The following CSTPP1 variants were observed in gnomAD, a reference collection of about 807,000 sequenced individuals.
CSTPP1 encodes UPF0705 protein C11orf49.
At chr11:46,938,343 T>C in the CSTPP1 span, among the ~76,000 whole-genome samples, 1 of 148,038 alleles carries the variant, frequency 6.8e-6, no homozygotes, top group Non-Finnish European at 1.5e-5. Flanking sequence ...ATATTATATA[T>C]TATTATTATT....
chr11:47,025,790 T>C, the CSTPP1 span, among the ~76,000 whole-genome samples: 1 of 152,080 alleles, frequency 6.6e-6, no homozygotes, highest in South Asian at 2.1e-4. Context: ...AGGCAGAAAA[T>C]AGAATAAAAT....
chr11:47,116,899 C>T, the CSTPP1 span, among the ~76,000 whole-genome samples: 1 of 151,896 alleles, frequency 6.6e-6, no homozygotes, highest in African/African-American at 2.4e-5. Flanking sequence ...GCTAGGATGG[C>T]CTCGATCTCC....
chr11:47,061,106 C>A, the CSTPP1 span, among the ~76,000 whole-genome samples: 1 of 151,518 alleles, frequency 6.6e-6, no homozygotes, highest in Non-Finnish European at 1.5e-5. Context: ...TTTTTTCTTT[C>A]ATCTTTTATG....
At chr11:47,057,975 A>G in the CSTPP1 span, among the ~76,000 whole-genome samples, 1 of 152,236 alleles carries the variant, frequency 6.6e-6, no homozygotes, top group Admixed American at 6.5e-5. Flanking sequence ...AATAATCTTT[A>G]AAGGAATTTA....
the CSTPP1 span, among the ~76,000 whole-genome samples, chr11:47,141,099 A>T: frequency 6.6e-6 from 1 of 152,158 alleles, no homozygotes; most frequent in Non-Finnish European, 1.5e-5. Flanking sequence ...GCTTTTTGGG[A>T]TACAATTCAC....
chr11:47,079,594 C>G, the CSTPP1 span, among the ~76,000 whole-genome samples: 1 of 152,174 alleles, frequency 6.6e-6, no homozygotes. Context: ...AAAATAATCA[C>G]TCATAAATCC....
chr11:47,101,194 T>TTTTTTTG, the CSTPP1 span, among the ~76,000 whole-genome samples: 1 of 122,610 alleles, frequency 8.2e-6, no homozygotes, highest in Admixed American at 8.3e-5. Context: ...TTTTTTATTT[T>TTTTTTTG]ATTTTTAGTA....
At chr11:47,124,155 G>A in the CSTPP1 span, among the ~76,000 whole-genome samples, 3 of 103,708 alleles carry the variant, frequency 2.9e-5, no homozygotes, top group Admixed American at 1.5e-4. Context: ...ACAGAGGCTC[G>A]TTCCGTCACC....
chr11:47,088,441 T>C, the CSTPP1 span, among the ~76,000 whole-genome samples: 2 of 152,216 alleles, frequency 1.3e-5, no homozygotes, highest in Non-Finnish European at 1.5e-5. Context: ...GTACCACATA[T>C]GACTACATTA....
the CSTPP1 span, among the ~76,000 whole-genome samples, chr11:47,101,072 C>T: frequency 1.3e-5 from 2 of 148,444 alleles, no homozygotes; most frequent in African/African-American, 5.0e-5. Flanking sequence ...AATCTTGGCT[C>T]GCTGCAACTT....
chr11:46,979,638 C>T, the CSTPP1 span, among the ~76,000 whole-genome samples: 3 of 151,992 alleles, frequency 2.0e-5, no homozygotes, highest in South Asian at 2.1e-4. Flanking sequence ...AAAAAAAGGA[C>T]GCGGTGGCTT....
chr11:47,050,718 G>A, the CSTPP1 span, among the ~76,000 whole-genome samples: 13 of 152,266 alleles, frequency 8.5e-5, no homozygotes, highest in Admixed American at 7.8e-4. Flanking sequence ...TGGAAATGTA[G>A]CCTACTGCAT....
the CSTPP1 span, among the ~76,000 whole-genome samples, chr11:47,127,796 G>A: frequency 6.6e-6 from 1 of 151,718 alleles, no homozygotes; most frequent in South Asian, 2.1e-4. Context: ...CAATTGGCTC[G>A]CCTAATGTCA....
the CSTPP1 span, among the ~76,000 whole-genome samples, chr11:47,018,326 A>T: frequency 1.9e-5 from 2 of 103,302 alleles, no homozygotes; most frequent in African/African-American, 3.9e-5. Flanking sequence ...ATGGAGTCTT[A>T]CTCTGTCACC....
the CSTPP1 span, among the ~76,000 whole-genome samples, chr11:46,956,014 G>T: frequency 7.1e-6 from 1 of 139,970 alleles, no homozygotes; most frequent in Non-Finnish European, 1.6e-5. Context: ...AAAAAAGAAA[G>T]AAATGGTAAT....
the CSTPP1 span, among the ~76,000 whole-genome samples, chr11:47,001,005 C>T: frequency 6.6e-6 from 1 of 152,070 alleles, no homozygotes. Flanking sequence ...AAGAAAACAG[C>T]CAGAGTAAGG....
the CSTPP1 span, among the ~76,000 whole-genome samples, chr11:46,966,274 C>G: frequency 6.6e-6 from 1 of 152,132 alleles, no homozygotes; most frequent in African/African-American, 2.4e-5. Flanking sequence ...ATCTCTTGAC[C>G]TCGTGATCTG....
chr11:46,969,233 A>G, the CSTPP1 span, among the ~76,000 whole-genome samples: 1 of 152,222 alleles, frequency 6.6e-6, no homozygotes, highest in African/African-American at 2.4e-5. Context: ...GGCAGAATAC[A>G]AGGGCCTGAA....
the CSTPP1 span, among the ~76,000 whole-genome samples, chr11:47,023,603 C>G: frequency 6.6e-6 from 1 of 152,212 alleles, no homozygotes; most frequent in Non-Finnish European, 1.5e-5. Context: ...GACTTGCCAA[C>G]TTCCCATTCC....
Sources: allele counts gnomAD v4.1 joint callset (sites outside exome capture counted in the v4.1 genomes callset), GRCh38; gene constraint gnomAD v4.1.1; transcripts MANE v1.5; gene names NCBI Gene and HGNC (gene_info 2026-07-23, HGNC 2026-07-21).